Variants in CCDC144A observed in about 807,000 individuals in gnomAD.
The protein encoded by CCDC144A is coiled-coil domain containing 144A.
CCDC144A carries 41 observed loss-of-function variants against 143.8 expected under a neutral mutation model. The ratio of observed to expected loss-of-function variants is 0.29; its 90% CI spans 0.22 to 0.37. CCDC144A has a LOEUF of 0.37. Among genes scored for constraint, CCDC144A ranks in the 10% least tolerant of loss-of-function variants. The pLI is 1.00. For missense variants in CCDC144A, 637 were observed against 1,488.8 expected (o/e 0.43, Z 9.41); for synonymous variants, 242 against 517.9 (o/e 0.47, Z 7.23).
chr17:16,723,057 G>A (rs543938472), intron 8 of CCDC144A, among the ~76,000 whole-genome samples: 22 of 152,002 alleles, frequency 1.4e-4, no homozygotes, highest in Non-Finnish European at 2.6e-4. Context: ...TTTTGAGGGC[G>A]GGGGAGAGGT....
At chr17:16,673,033 C>CT in the CCDC144A span, among the ~76,000 whole-genome samples, 2 of 152,064 alleles carry the variant, frequency 1.3e-5, 1 homozygote, top group Admixed American at 1.3e-4. Flanking sequence ...TTAAATTTAA[C>CT]AAATGATAAA....
the CCDC144A span, among the ~76,000 whole-genome samples, chr17:16,670,307 T>TTTTTTTTTTTTAAA: frequency 3.9e-5 from 5 of 127,796 alleles, no homozygotes; most frequent in Non-Finnish European, 4.9e-5. Context: ...TTTTTTTTTT[T>TTTTTTTTTTTTAAA]GACAGAGTCT....
intron 8 of CCDC144A, among the ~76,000 whole-genome samples, chr17:16,722,696 A>G (rs547908610): frequency 2.0e-5 from 3 of 152,010 alleles, no homozygotes. Context: ...TTCCCTCCCC[A>G]ACTCTTGGCA....
At chr17:16,713,797 T>C (rs1204328755) in intron 6 of CCDC144A, among the ~76,000 whole-genome samples, 1 of 152,204 alleles carries the variant, frequency 6.6e-6, no homozygotes, top group Non-Finnish European at 1.5e-5. Flanking sequence ...TATATAAGAA[T>C]TGAAAAATAC....
intron 12 of CCDC144A, among the ~76,000 whole-genome samples, chr17:16,755,692 T>C (rs1915046125): frequency 6.6e-6 from 1 of 152,250 alleles, no homozygotes; most frequent in African/African-American, 2.4e-5. Context: ...CCTGAGTAGC[T>C]GGGACCACAG....
At chr17:16,758,686 T>C (rs549589693) in intron 12 of CCDC144A, among the ~76,000 whole-genome samples, 71 of 152,350 alleles carry the variant, frequency 4.7e-4, no homozygotes, top group African/African-American at 1.6e-3. Flanking sequence ...TGTATCCTTT[T>C]CATAAGCAAT....
intron 9 of CCDC144A, chr17:16,731,560 G>T (rs1913744392): frequency 6.7e-6 from 1 of 148,784 alleles, no homozygotes; most frequent in African/African-American, 2.6e-5. Flanking sequence ...ATTTACCAGG[G>T]TTACTAGTAA....
chr17:16,699,468 C>A (rs1379301886), intron 2 of CCDC144A, among the ~76,000 whole-genome samples: 1 of 119,586 alleles, frequency 8.4e-6, no homozygotes, highest in Non-Finnish European at 1.7e-5. Flanking sequence ...CTCCGCCTCC[C>A]GGGTTCACAC....
the CCDC144A span, chr17:16,684,000 A>T: frequency 0.11 from 113,223 of 991,898 alleles, 8,163 homozygotes; most frequent in East Asian, 0.33. Flanking sequence ...TGGCAGACAA[A>T]CCAAAGAGCG....
At chr17:16,745,545 G>A (rs1914457203) in intron 12 of CCDC144A, 2 of 1,319,892 alleles carry the variant, frequency 1.5e-6, no homozygotes, top group African/African-American at 2.9e-5. Flanking sequence ...TAAGGAATAA[G>A]TTCTCCTTCC....
At chr17:16,674,587 G>A in the CCDC144A span, among the ~76,000 whole-genome samples, 1 of 151,122 alleles carries the variant, frequency 6.6e-6, no homozygotes, top group Non-Finnish European at 1.5e-5. Context: ...AAGAAAAAGT[G>A]AGGGAAGGAA....
intron 12 of CCDC144A, chr17:16,746,868 C>T (rs1914555935): frequency 4.4e-6 from 3 of 676,764 alleles, no homozygotes; most frequent in African/African-American, 1.9e-5. Flanking sequence ...CCCTCCTCTC[C>T]CTTCTCTCCC....
rs1915925749 is a variant in CCDC144A at position 16,774,135 on chromosome 17, C to T, written c.*502C>T. The T allele has an allele frequency of 2.7e-5, 4 of 146,160 alleles. No individual in the cohort carries two copies. Among genetic ancestry groups the T allele is most frequent in the Non-Finnish European group, 6.0e-5 (4 of 66,796 alleles). The allele number at this position is 146,160 out of a possible 1,614,324, so 9.1% of individuals were successfully genotyped here. On this transcript the variant is annotated 3_prime_UTR_variant, in exon 17 of 17. Coordinates refer to ENST00000399273, the MANE Select transcript of CCDC144A (RefSeq NM_001382000.1). ...AATAAGGTTTGCCTAAGGCTTTTTG[C>T]TTTTTTATTTATTGTTTCATTTCTT...
chr17:16,686,898 G>A (rs1394623696), upstream of CCDC144A, among the ~76,000 whole-genome samples: 2 of 152,096 alleles, frequency 1.3e-5, no homozygotes, highest in Admixed American at 1.3e-4. Context: ...ACAGCAGCTA[G>A]TAGGCTCCCC....
chr17:16,726,293 A>G (rs1367282381), intron 8 of CCDC144A, among the ~76,000 whole-genome samples: 1 of 150,026 alleles, frequency 6.7e-6, no homozygotes, highest in East Asian at 2.0e-4. Context: ...AGGCAGGAGA[A>G]TGGCGTGAAC....
rs1915951358 is a variant in CCDC144A at position 16,774,863 on chromosome 17, C to G, written c.*1230C>G. Reference sequence around the variant, plus strand: ...TTCTTCACGATGCTCTCCCTTCTTTCACCCGCCACCATCCCACATGCCCCT... The same window carrying G: ...TTCTTCACGATGCTCTCCCTTCTTTGACCCGCCACCATCCCACATGCCCCT... On this transcript the variant is annotated 3_prime_UTR_variant, in exon 17 of 17. Transcript: ENST00000399273. 1 of 143,128 alleles carries G rather than the reference C, an allele frequency of 7.0e-6. No homozygotes were observed. The highest frequency in any genetic ancestry group is 1.5e-5 in the Non-Finnish European group (1 of 67,698). 8.9% of individuals were successfully genotyped at this position (143,128 alleles called of 1,614,324 possible). A position where few individuals can be genotyped will look rare whatever the true frequency, so the allele number is the denominator to read the frequency against.
chr17:16,708,832 G>C lies in CCDC144A; in HGVS notation c.775G>C (p.Asp259His), dbSNP rs371860754. The change falls in exon 5 of 17, where the codon GAT becomes CAT. Residue 259 changes from aspartate to histidine, a missense_variant. Asp to His is a moderately conservative substitution (Grantham distance 81). Transcript: ENST00000399273. Reference protein sequence around the residue: ...SQEPEMAKDCDREDIPIYPVL... With the variant: ...SQEPEMAKDCHREDIPIYPVL... ...AGAACCAGAAATGGCTAAGGATTGCGATAGAGAGGATATACCTATATATCC... is the reference window on the plus strand; with the variant it reads ...AGAACCAGAAATGGCTAAGGATTGCCATAGAGAGGATATACCTATATATCC... The C allele has an allele frequency of 6.2e-7, 1 of 1,611,774 alleles. No individual in the cohort carries two copies. The highest frequency in any genetic ancestry group is 2.2e-5 in the East Asian group (1 of 44,852).
At chr17:16,697,407 G>T (rs1911479415) in intron 2 of CCDC144A, among the ~76,000 whole-genome samples, 1 of 152,164 alleles carries the variant, frequency 6.6e-6, no homozygotes, top group Non-Finnish European at 1.5e-5. Context: ...AGGCAGACTG[G>T]ATTTGCTCCA....
intron 12 of CCDC144A, chr17:16,746,381 T>A (rs1490756321): frequency 2.3e-5 from 33 of 1,421,802 alleles, no homozygotes; most frequent in Non-Finnish European, 3.1e-5. Context: ...TCGAATTCTC[T>A]GCTTTTCTAA....
Sources: allele counts gnomAD v4.1 joint callset (sites outside exome capture counted in the v4.1 genomes callset), GRCh38; gene constraint gnomAD v4.1.1; transcripts MANE v1.5; gene names NCBI Gene and HGNC (gene_info 2026-07-23, HGNC 2026-07-21).